NTMT2: variants seen among roughly 807,000 people sequenced by gnomAD.
The protein encoded by NTMT2 is X-Pro-Lys N-terminal protein methyltransferase 1B.
In NTMT2, 21 loss-of-function variants were observed where a neutral mutation model predicts 23.4. That is an observed-to-expected ratio of 0.90 (90% CI 0.64 to 1.29). The LOEUF is 1.29. NTMT2 is among the 50% of genes most tolerant of loss of function. The probability of loss-of-function intolerance (pLI) is 0.00; values close to 1 mark genes in which losing one functional copy is unlikely to be tolerated. For synonymous variants in NTMT2, 131 were observed against 127.7 expected (o/e 1.03, Z -0.17); for missense variants, 336 against 352.0 (o/e 0.95, Z 0.36).
chr1:170,158,396 T>C (rs2102236735), intron 1 of NTMT2, among the ~76,000 whole-genome samples: 1 of 152,232 alleles, frequency 6.6e-6, no homozygotes, highest in East Asian at 1.9e-4. Context: ...ATTCATTATT[T>C]GTCTGAAGTT....
rs6665007 is a variant in NTMT2, at chr1:170,159,196, G to C, written c.155-1322G>C. On this transcript the variant is annotated intron_variant, in intron 1 of 3. Transcript: ENST00000439373. ...ACCAGATTCTGATGAGTGGGAGTAA[G>C]TGACAGTACTTGGAGTCTTATATAT... Among the ~76,000 whole-genome samples the C allele has an allele frequency of 7.1e-3, 1,087 of 152,260 alleles. 11 individuals are homozygous for C. Among genetic ancestry groups the C allele is most frequent in the African/African-American group, 0.025 (1,047 of 41,562 alleles).
At chr1:170,149,460 A>G (rs549004254) in intron 1 of NTMT2, among the ~76,000 whole-genome samples, 16 of 152,314 alleles carry the variant, frequency 1.1e-4, no homozygotes, top group African/African-American at 3.6e-4. Flanking sequence ...TGCGTGTATT[A>G]GTTTCCCTAT....
intron 1 of NTMT2, among the ~76,000 whole-genome samples, chr1:170,159,244 C>T (rs1443858558): frequency 6.6e-6 from 1 of 152,052 alleles, no homozygotes; most frequent in African/African-American, 2.4e-5. Context: ...AGTGTTCTAA[C>T]ATTTTAATGC....
In NTMT2 at chr1:170,146,095, A is replaced by T. The variant is rs1209402156; in HGVS notation, c.-13A>T. Reference sequence around the variant, plus strand: ...TCCTTTCTCTGTAGGAATCATTATTATCCCCCTTTGTCATGGCCCACCGGG... The same window carrying T: ...TCCTTTCTCTGTAGGAATCATTATTTTCCCCCTTTGTCATGGCCCACCGGG... On this transcript the variant is annotated 5_prime_UTR_variant, in exon 1 of 4. Coordinates refer to ENST00000439373, the MANE Select transcript of NTMT2 (RefSeq NM_001136107.2). 1 of 1,548,534 alleles carries T rather than the reference A, an allele frequency of 6.5e-7. No individual in the cohort carries two copies. Among genetic ancestry groups the T allele is most frequent in the Non-Finnish European group, 8.7e-7 (1 of 1,145,760 alleles).
intron 2 of NTMT2, among the ~76,000 whole-genome samples, chr1:170,164,667 C>T (rs925977222): frequency 1.3e-5 from 2 of 152,122 alleles, no homozygotes; most frequent in South Asian, 2.1e-4. Context: ...CTAAATGAAG[C>T]CTTATAATTC....
chr1:170,147,475 T>C (rs745469204), intron 1 of NTMT2, among the ~76,000 whole-genome samples: 1 of 152,192 alleles, frequency 6.6e-6, no homozygotes, highest in South Asian at 2.1e-4. Context: ...AGGGCTTTTT[T>C]TTGGTAGATC....
chr1:170,148,671 C>G (rs996067323), intron 1 of NTMT2, among the ~76,000 whole-genome samples: 2 of 152,150 alleles, frequency 1.3e-5, no homozygotes, highest in Non-Finnish European at 2.9e-5. Flanking sequence ...CAAATTAACT[C>G]TGGAATCTTA....
chr1:170,156,967 G>A (rs1048584695), intron 1 of NTMT2, among the ~76,000 whole-genome samples: 1 of 152,130 alleles, frequency 6.6e-6, no homozygotes, highest in African/African-American at 2.4e-5. Context: ...GCTTTGGTTG[G>A]ATCAAGAGAG....
chr1:170,167,384 G>A, intron 3 of NTMT2, 102 bp from the exon 4 acceptor site: 7 of 1,091,552 alleles, frequency 6.4e-6, no homozygotes, highest in Non-Finnish European at 9.0e-6. Context: ...ATGAATGAGT[G>A]AACAAATGGT....
chr1:170,150,284 A>C (rs956301375), intron 1 of NTMT2, among the ~76,000 whole-genome samples: 1 of 152,246 alleles, frequency 6.6e-6, no homozygotes, highest in Non-Finnish European at 1.5e-5. Flanking sequence ...GATTCATGGA[A>C]TAGCAAAGAC....
chr1:170,163,258 T>C (rs1468017174), intron 2 of NTMT2, among the ~76,000 whole-genome samples: 1 of 152,214 alleles, frequency 6.6e-6, no homozygotes, highest in African/African-American at 2.4e-5. Flanking sequence ...GATATTTTGG[T>C]ACTTTGACCT....
In NTMT2 at chr1:170,167,529, C is replaced by T. The variant is rs936470666; in HGVS notation, c.624C>T (p.Cys208=). 1 of 1,551,616 alleles carries T rather than the reference C, an allele frequency of 6.4e-7. No individual in the cohort carries two copies. The highest frequency in any genetic ancestry group is 8.7e-7 in the Non-Finnish European group (1 of 1,146,966). ...ACCTTCTTGCATTTCTTTCCCGGTG[C>T]CGAGATGGCCTGAAAGAAAATGGCA... ...DKDLLAFLSR[C]RDGLKENGII... Residue 208 remains cysteine, a synonymous_variant, in exon 4 of 4, where the codon TGC becomes TGT. Transcript: ENST00000439373.
chr1:170,146,078 C>G lies in NTMT2; in HGVS notation c.-30C>G. ...AAACAGCAAGGCAAGCTTCCTTTCT[C>G]TGTAGGAATCATTATTATCCCCCTT... On this transcript the variant is annotated 5_prime_UTR_variant, in exon 1 of 4. Transcript: ENST00000439373. The G allele has an allele frequency of 1.3e-6, 2 of 1,539,144 alleles. No individual in the cohort carries two copies. Among genetic ancestry groups the G allele is most frequent in the East Asian group, 4.9e-5 (2 of 40,648 alleles).
At chr1:170,160,385 C>A (rs1673253503) in intron 1 of NTMT2, 133 bp from the exon 2 acceptor site, 1 of 787,124 alleles carries the variant, frequency 1.3e-6, no homozygotes, top group African/African-American at 1.8e-5. Flanking sequence ...AAACCCAAAT[C>A]TTTTGACTTC....
In NTMT2 at chr1:170,167,582, G is replaced by A. The variant is rs748868209; in HGVS notation, c.677G>A (p.Arg226Gln). 26 of 1,551,558 alleles carry A rather than the reference G, an allele frequency of 1.7e-5. No homozygotes were observed. The highest frequency in any genetic ancestry group is 9.6e-5 in the African/African-American group (7 of 73,014). ...GIIILKDNVA[R>Q]EGCILDLSDS... is the part of the protein sequence containing the mutation. ...ATCATATTGAAGGACAATGTGGCCC[G>A]GGAGGGCTGTATCCTTGATCTCTCT... is the stretch of plus-strand genomic sequence containing the variant. The change falls in exon 4 of 4, where the codon CGG becomes CAG. Residue 226 changes from arginine to glutamine, a missense_variant. Transcript: ENST00000439373.
rs573441307 is a variant in NTMT2 at position 170,168,364 on chromosome 1, C to T, written c.*607C>T. Among the ~76,000 whole-genome samples the T allele has an allele frequency of 2.2e-4, 33 of 152,204 alleles. 1 individual carries two copies. The South Asian group carries it at 6.6e-3, about 31-fold the overall frequency. ...AGGAGAAAATCTACACTCCTTTCCC[C>T]GCCTTCATGTCAGCTACATTATACT... On this transcript the variant is annotated 3_prime_UTR_variant, in exon 4 of 4. Coordinates refer to ENST00000439373, the MANE Select transcript of NTMT2 (RefSeq NM_001136107.2).
intron 1 of NTMT2, chr1:170,158,234 G>A (rs1466630328): frequency 6.6e-6 from 1 of 152,092 alleles, no homozygotes; most frequent in Non-Finnish European, 1.5e-5. Flanking sequence ...ATCTGTGATA[G>A]AAGCCTGATT....
intron 2 of NTMT2, among the ~76,000 whole-genome samples, chr1:170,166,139 T>C (rs12729477): frequency 0.023 from 2,343 of 101,710 alleles, 31 homozygotes; most frequent in South Asian, 0.037. Flanking sequence ...TTTTTTTTTT[T>C]CTTTTTTTTT....
At chr1:170,166,469 CTG>C (rs1276168900) in intron 2 of NTMT2, 31 bp from the exon 3 acceptor site, 1 of 1,551,316 alleles carries the variant, frequency 6.4e-7, no homozygotes, top group African/African-American at 1.4e-5. Context: ...GGATGGGTCT[CTG>C]TACTTGAAAT....
Sources: gnomAD v4.1 joint callset for allele counts (sites outside exome capture counted in the v4.1 genomes callset) on GRCh38, gnomAD v4.1.1 for gene constraint, MANE v1.5 for transcripts, NCBI Gene and HGNC (gene_info 2026-07-23, HGNC 2026-07-21) for gene names.